Variants in MAP4K5 observed in about 807,000 individuals in gnomAD.
The protein encoded by MAP4K5 is mitogen-activated protein kinase kinase kinase kinase 5, also known as MAPK/ERK kinase kinase kinase 5.
MAP4K5 carries 82 observed loss-of-function variants against 135.6 expected under a neutral mutation model. The observed-to-expected ratio is 0.60, with a 90% CI of 0.51 to 0.73. The LOEUF is 0.73. Among genes scored for constraint, MAP4K5 ranks in the 30% least tolerant of loss-of-function variants. The pLI, the probability that MAP4K5 is intolerant of heterozygous loss-of-function variation, is 0.00. For synonymous variants in MAP4K5, 347 were observed against 335.0 expected (o/e 1.04, Z -0.39); for missense variants, 907 against 1,010.9 (o/e 0.90, Z 1.39).
chr14:50,517,343 G>A (rs1282238314), intron 2 of MAP4K5, among the ~76,000 whole-genome samples: 2 of 151,672 alleles, frequency 1.3e-5, no homozygotes, highest in African/African-American at 4.8e-5. Context: ...GTGGAGACGG[G>A]GTTTCACCAT....
chr14:50,508,486 T>A (rs866775500), intron 2 of MAP4K5, among the ~76,000 whole-genome samples: 18 of 151,934 alleles, frequency 1.2e-4, no homozygotes, highest in Middle Eastern at 3.4e-3. Flanking sequence ...AAACACCACA[T>A]GTTCTCACTC....
rs1256503198 is a variant in MAP4K5, at chr14:50,460,321, C to T, written c.936+2344G>A. On this transcript the variant is annotated intron_variant, in intron 13 of 32. Transcript: ENST00000682126. ...ATGTTAGTCTCATATACCATTGTGC[C>T]CCCCCAACTGCCTGGCACGTGGTTT... 4.9e-5 allele frequency among the ~76,000 whole-genome samples: 7 copies of T among 143,048 alleles called. No individual in the cohort carries two copies. In the South Asian group the frequency reaches 8.3e-4, roughly 17 times the overall value. The allele number at this position is 143,048 out of a possible 152,430, so 93.8% of individuals were successfully genotyped here.
chr14:50,558,544 C>A (rs2038793180), intron 1 of MAP4K5, among the ~76,000 whole-genome samples: 1 of 152,190 alleles, frequency 6.6e-6, no homozygotes, highest in Admixed American at 6.5e-5. Flanking sequence ...CACACAGTCT[C>A]AAAGTATTCA....
At chr14:50,442,939 C>T (rs2036261509) in intron 20 of MAP4K5, 123 bp from the exon 21 acceptor site, 3 of 586,478 alleles carry the variant, frequency 5.1e-6, no homozygotes, top group East Asian at 3.0e-5. Context: ...TTGTTTCATT[C>T]CAAAACAAAA....
chr14:50,457,408 A>G (rs1382082367), intron 13 of MAP4K5, among the ~76,000 whole-genome samples: 1 of 152,062 alleles, frequency 6.6e-6, no homozygotes, highest in Non-Finnish European at 1.5e-5. Context: ...GAGAAGCATA[A>G]TACTTCTACC....
chr14:50,524,519 G>A (rs2038218684), intron 2 of MAP4K5, among the ~76,000 whole-genome samples: 1 of 152,050 alleles, frequency 6.6e-6, no homozygotes, highest in South Asian at 2.1e-4. Flanking sequence ...AATGAGAAGT[G>A]ATAAATGATG....
chr14:50,495,762 T>C (rs534816600), intron 3 of MAP4K5, among the ~76,000 whole-genome samples: 2 of 152,244 alleles, frequency 1.3e-5, no homozygotes, highest in South Asian at 2.1e-4. Flanking sequence ...TGCTATAACA[T>C]AGATGAACCT....
intron 32 of MAP4K5, among the ~76,000 whole-genome samples, chr14:50,421,335 T>TGCAACCTCC (rs1259541576): frequency 6.6e-6 from 1 of 152,074 alleles, no homozygotes; most frequent in East Asian, 1.9e-4. Flanking sequence ...CTCGGCACAC[T>TGCAACCTCC]GCAACCTCCG....
At chr14:50,434,062 C>T (rs1426027007) in intron 28 of MAP4K5, among the ~76,000 whole-genome samples, 1 of 152,154 alleles carries the variant, frequency 6.6e-6, no homozygotes, top group East Asian at 1.9e-4. Context: ...AAGTGAAGCT[C>T]TTTGCTTGAG....
upstream of MAP4K5, among the ~76,000 whole-genome samples, chr14:50,536,880 A>G (rs1274790572): frequency 6.6e-6 from 1 of 152,252 alleles, no homozygotes; most frequent in Non-Finnish European, 1.5e-5. Context: ...ATTCAGTCTT[A>G]TAAGGGAAGC....
At chr14:50,460,823 A>T (rs1056808134) in intron 13 of MAP4K5, among the ~76,000 whole-genome samples, 1 of 152,106 alleles carries the variant, frequency 6.6e-6, no homozygotes, top group African/African-American at 2.4e-5. Flanking sequence ...TAGGCTCTGG[A>T]GTTTGCCTGG....
At chr14:50,511,216 T>C (rs2037923582) in intron 2 of MAP4K5, among the ~76,000 whole-genome samples, 1 of 152,188 alleles carries the variant, frequency 6.6e-6, no homozygotes, top group African/African-American at 2.4e-5. Flanking sequence ...AATGGAATAC[T>C]ATTTAGCCAC....
chr14:50,507,095 G>A (rs2037826486), intron 2 of MAP4K5, among the ~76,000 whole-genome samples: 1 of 152,212 alleles, frequency 6.6e-6, no homozygotes, highest in Non-Finnish European at 1.5e-5. Flanking sequence ...ATCATAAAAT[G>A]TGTTAGAAGA....
intron 2 of MAP4K5, among the ~76,000 whole-genome samples, chr14:50,505,347 T>G (rs1436352579): frequency 2.6e-5 from 4 of 152,138 alleles, no homozygotes; most frequent in African/African-American, 9.7e-5. Flanking sequence ...TTCTAAGACA[T>G]GATTACAAAT....
chr14:50,512,178 C>T (rs919312146), intron 2 of MAP4K5, among the ~76,000 whole-genome samples: 4 of 152,038 alleles, frequency 2.6e-5, no homozygotes, highest in African/African-American at 9.7e-5. Flanking sequence ...GTACTATGTG[C>T]TTTATTACTC....
chr14:50,536,486 A>G (rs1226550766), upstream of MAP4K5, among the ~76,000 whole-genome samples: 1 of 152,146 alleles, frequency 6.6e-6, no homozygotes, highest in Non-Finnish European at 1.5e-5. Flanking sequence ...GATGTTGCTG[A>G]AAAGTTACCT....
At chr14:50,429,340 CTG>C in intron 28 of MAP4K5, 80 bp from the exon 29 acceptor site, 1 of 824,568 alleles carries the variant, frequency 1.2e-6, no homozygotes, top group Non-Finnish European at 1.9e-6. Flanking sequence ...CTGACTTTTG[CTG>C]TGACTTAAAA....
rs758895550 is a variant in MAP4K5 at position 50,447,498 on chromosome 14, A to G, written c.1075-17T>C. 2.8e-6 allele frequency: 4 copies of G among 1,417,212 alleles called. No individual in the cohort carries two copies. The South Asian group carries it at 5.2e-5, about 18-fold the overall frequency. 87.8% of individuals were successfully genotyped at this position (1,417,212 alleles called of 1,614,324 possible). ...TGACAATCCCTGTAAAGATAAAAAT[A>G]TAGTTTAAAATGTTACTTTGTAACA... On this transcript the variant is annotated splice_polypyrimidine_tract_variant and intron_variant, in intron 15 of 32. Transcript: ENST00000682126.
intron 5 of MAP4K5, chr14:50,483,088 T>C (rs935776923): frequency 1.3e-5 from 2 of 152,174 alleles, no homozygotes; most frequent in African/African-American, 4.8e-5. Context: ...TAACTAATTA[T>C]ACAGAGAAAT....
Sources: gnomAD v4.1 joint callset for allele counts (sites outside exome capture counted in the v4.1 genomes callset) on GRCh38, gnomAD v4.1.1 for gene constraint, MANE v1.5 for transcripts, NCBI Gene and HGNC (gene_info 2026-07-23, HGNC 2026-07-21) for gene names.